Variants in PARD6G observed in about 807,000 individuals in gnomAD.
The protein encoded by PARD6G is partitioning defective 6 homolog gamma.
In PARD6G, 7 loss-of-function variants were observed where a neutral mutation model predicts 10.7. The observed-to-expected ratio is 0.66, with a 90% CI of 0.37 to 1.23. The LOEUF is 1.23. PARD6G is among the 50% of genes most tolerant of loss of function. The pLI, the probability that PARD6G is intolerant of heterozygous loss-of-function variation, is 0.02. For missense variants in PARD6G, 548 were observed against 571.8 expected (o/e 0.96, Z 0.42); for synonymous variants, 287 against 269.4 (o/e 1.07, Z -0.64).
chr18:80,206,555 T>C (rs1967055960), intron 1 of PARD6G, among the ~76,000 whole-genome samples: 1 of 152,240 alleles, frequency 6.6e-6, no homozygotes, highest in South Asian at 2.1e-4. Context: ...TTGTCCTAAC[T>C]GAACTGTCAG....
rs546982461 is a variant in PARD6G at position 80,188,874 on chromosome 18, G to A, written c.295+13836C>T. Among the ~76,000 whole-genome samples, 1 of 152,210 alleles carries A rather than the reference G, an allele frequency of 6.6e-6. No individual in the cohort carries two copies. Among genetic ancestry groups the A allele is most frequent in the East Asian group, 1.9e-4 (1 of 5,190 alleles). ...CAATCCCTACCGTTTCCCCACGTTC[G>A]TGAGGGAGGTGTGGACTTGCTGGGG... On this transcript the variant is annotated intron_variant, in intron 2 of 2. Coordinates refer to ENST00000353265, the MANE Select transcript of PARD6G (RefSeq NM_032510.4). This position sits in a 1 kb window ranked among gnomAD's most constrained non-coding sequence, Gnocchi z 5.4.
chr18:80,209,905 G>A (rs1967089950), intron 1 of PARD6G, among the ~76,000 whole-genome samples: 1 of 152,126 alleles, frequency 6.6e-6, no homozygotes, highest in African/African-American at 2.4e-5. Flanking sequence ...ACTATAAATA[G>A]AAAATAAGAA....
In PARD6G at chr18:80,181,118, G is replaced by T. The variant is rs979023240; in HGVS notation, c.296-20512C>A. Among the ~76,000 whole-genome samples, 14 of 152,164 alleles carry T rather than the reference G, an allele frequency of 9.2e-5. No individual in the cohort carries two copies. The highest frequency in any genetic ancestry group is 6.5e-5 in the Admixed American group (1 of 15,292). On this transcript the variant is annotated intron_variant, in intron 2 of 2. Coordinates refer to ENST00000353265, the MANE Select transcript of PARD6G (RefSeq NM_032510.4). This position sits in a 1 kb window ranked among gnomAD's most constrained non-coding sequence, Gnocchi z 7.9. ...GGCTGCGACCGGAGAAGCAGCCTGC[G>T]GGGGTGGGCCAGGAAGGGGCGCCAC...
chr18:80,168,271 T>C (rs1022207670), intron 2 of PARD6G, among the ~76,000 whole-genome samples: 8 of 152,194 alleles, frequency 5.3e-5, no homozygotes, highest in African/African-American at 1.9e-4. Flanking sequence ...GGTGACTGAA[T>C]TTCAGACAAC....
chr18:80,234,937 TAGAC>T (rs562147357), intron 1 of PARD6G, among the ~76,000 whole-genome samples: 3,849 of 152,030 alleles, frequency 0.025, 149 homozygotes, highest in African/African-American at 0.088. Context: ...CTGTCAACAT[TAGAC>T]AGATCAACGA....
rs914474519 is a variant in PARD6G, at chr18:80,188,873, C to T, written c.295+13837G>A. ...GCAATCCCTACCGTTTCCCCACGTTCGTGAGGGAGGTGTGGACTTGCTGGG... is the reference window on the plus strand; with the variant it reads ...GCAATCCCTACCGTTTCCCCACGTTTGTGAGGGAGGTGTGGACTTGCTGGG... On this transcript the variant is annotated intron_variant, in intron 2 of 2. Coordinates refer to ENST00000353265, the MANE Select transcript of PARD6G (RefSeq NM_032510.4). This position sits in a 1 kb window ranked among gnomAD's most constrained non-coding sequence, Gnocchi z 5.4. Among the ~76,000 whole-genome samples the T allele has an allele frequency of 2.0e-5, 3 of 152,154 alleles. No individual in the cohort carries two copies. The highest frequency in any genetic ancestry group is 4.4e-5 in the Non-Finnish European group (3 of 68,020).
chr18:80,176,545 A>G (rs1193112803), intron 2 of PARD6G, among the ~76,000 whole-genome samples: 1 of 152,198 alleles, frequency 6.6e-6, no homozygotes, highest in South Asian at 2.1e-4. Context: ...TCTCAGCCTC[A>G]AGAGAAAGGC....
chr18:80,169,910 A>AAAGG (rs957385592), intron 2 of PARD6G: 2 of 152,250 alleles, frequency 1.3e-5, no homozygotes, highest in Non-Finnish European at 2.9e-5. Flanking sequence ...AGAAATTAGT[A>AAAGG]AAGGAAGGAA....
rs371294356 is a variant in PARD6G, at chr18:80,202,801, G to A, written c.204C>T (p.His68=). Residue 68 remains histidine (H), a synonymous_variant, in exon 2 of 3, where the codon CAC becomes CAT. Coordinates refer to ENST00000353265, the MANE Select transcript of PARD6G (RefSeq NM_032510.4). ...CATTGTTGATGGGCAGCAGGTCTCC[G>A]TGCACATCTGCATAGCCAATAGTTA... ...SDVTIGYADV[H]GDLLPINNDD... The A allele has an allele frequency of 8.1e-6, 13 of 1,613,918 alleles. No individual in the cohort carries two copies. The highest frequency in any genetic ancestry group is 1.3e-5 in the African/African-American group (1 of 74,958).
rs1422423717 is a variant in PARD6G at position 80,231,905 on chromosome 18, A to G, written c.72+15372T>C. ...TGCATGTATGGAGTTATAATAGCACAGGATAGTAAGCCTGTTTTGGGCTCA... is the reference window on the plus strand; with the variant it reads ...TGCATGTATGGAGTTATAATAGCACGGGATAGTAAGCCTGTTTTGGGCTCA... On this transcript the variant is annotated intron_variant, in intron 1 of 2. Transcript: ENST00000353265. This position sits in a 1 kb window ranked among gnomAD's most constrained non-coding sequence, Gnocchi z 4.2. 6.6e-6 allele frequency among the ~76,000 whole-genome samples: 1 copy of G among 152,162 alleles called. No individual in the cohort carries two copies. The highest frequency in any genetic ancestry group is 2.4e-5 in the African/African-American group (1 of 41,442).
intron 2 of PARD6G, among the ~76,000 whole-genome samples, chr18:80,174,219 C>G (rs1305545737): frequency 1.3e-5 from 2 of 152,188 alleles, no homozygotes; most frequent in Admixed American, 1.3e-4. Context: ...GAACCAAGGG[C>G]TGACGTGGAG....
chr18:80,185,304 A>G (rs2052868232), intron 2 of PARD6G, among the ~76,000 whole-genome samples: 1 of 151,260 alleles, frequency 6.6e-6, no homozygotes, highest in South Asian at 2.1e-4. Context: ...TATCCTCAGA[A>G]GGTGATTTTT....
chr18:80,217,088 AAAG>A (rs1301684372), intron 1 of PARD6G, among the ~76,000 whole-genome samples: 3 of 152,318 alleles, frequency 2.0e-5, no homozygotes, highest in African/African-American at 7.2e-5. Context: ...ACCAGAAAGT[AAAG>A]AAGTGCCCCA....
chr18:80,213,405 A>C (rs980683386), intron 1 of PARD6G, among the ~76,000 whole-genome samples: 2 of 152,234 alleles, frequency 1.3e-5, no homozygotes, highest in East Asian at 3.8e-4. Flanking sequence ...AAGCTAAAGC[A>C]GACTTGGACT....
chr18:80,219,669 C>A (rs1294296317), intron 1 of PARD6G, among the ~76,000 whole-genome samples: 1 of 152,200 alleles, frequency 6.6e-6, no homozygotes, highest in Non-Finnish European at 1.5e-5. Flanking sequence ...GGACAAAATG[C>A]CGCCAGTCTC....
chr18:80,222,717 A>G (rs1379645469), intron 1 of PARD6G, among the ~76,000 whole-genome samples: 1 of 152,182 alleles, frequency 6.6e-6, no homozygotes, highest in African/African-American at 2.4e-5. Flanking sequence ...TCTGTCACCT[A>G]GGCTAGAGTG....
chr18:80,241,515 C>T (rs1034690438), intron 1 of PARD6G, among the ~76,000 whole-genome samples: 1 of 150,580 alleles, frequency 6.6e-6, no homozygotes, highest in Middle Eastern at 3.2e-3. Context: ...CATTAGTGAA[C>T]TATCTGCAAT....
chr18:80,232,467 G>A lies in PARD6G; in HGVS notation c.72+14810C>T, dbSNP rs572365471. Among the ~76,000 whole-genome samples the A allele has an allele frequency of 2.6e-5, 4 of 152,240 alleles. No individual in the cohort carries two copies. In the South Asian group the frequency reaches 6.2e-4, roughly 24 times the overall value. On this transcript the variant is annotated intron_variant, in intron 1 of 2. Transcript: ENST00000353265. ...GCTGGGGAGGCCTCAGAATCATGGTGGGAGGTGAAAGGCACTTCTTACATG... is the reference window on the plus strand; with the variant it reads ...GCTGGGGAGGCCTCAGAATCATGGTAGGAGGTGAAAGGCACTTCTTACATG...
chr18:80,194,696 G>A (rs2145274347), intron 2 of PARD6G, among the ~76,000 whole-genome samples: 1 of 152,194 alleles, frequency 6.6e-6, no homozygotes, highest in South Asian at 2.1e-4. Flanking sequence ...GGCCACGTGG[G>A]GAATTATTTC....
Sources: gnomAD v4.1 joint callset for allele counts (sites outside exome capture counted in the v4.1 genomes callset) on GRCh38, gnomAD v4.1.1 for gene constraint, Gnocchi (gnomAD v3.1) non-coding constraint, MANE v1.5 for transcripts, NCBI Gene and HGNC (gene_info 2026-07-23, HGNC 2026-07-21) for gene names.